AGBL1: variants seen among roughly 807,000 people sequenced by gnomAD.
The protein encoded by AGBL1 is AGBL carboxypeptidase 1.
AGBL1 carries 130 observed loss-of-function variants against 118.9 expected under a neutral mutation model. The observed-to-expected ratio is 1.09, with a 90% CI of 0.95 to 1.26. AGBL1 has a LOEUF of 1.26. AGBL1 is among the 50% of genes most tolerant of loss of function. The pLI is 0.00. For missense variants in AGBL1, 1,584 were observed against 1,298.1 expected (o/e 1.22, Z -3.38); for synonymous variants, 555 against 478.9 (o/e 1.16, Z -2.08).
At chr15:86,450,316 T>C (rs976324532) in intron 18 of AGBL1, among the ~76,000 whole-genome samples, 5 of 152,236 alleles carry the variant, frequency 3.3e-5, no homozygotes, top group Non-Finnish European at 5.9e-5. Flanking sequence ...ATCCCTACCC[T>C]GGACCTGGTG....
At chr15:86,365,039 A>G (rs1238624413) in intron 17 of AGBL1, among the ~76,000 whole-genome samples, 1 of 103,288 alleles carries the variant, frequency 9.7e-6, no homozygotes, top group Non-Finnish European at 2.1e-5. Flanking sequence ...ACACACATAT[A>G]TATACACACA....
At chr15:87,002,902 T>C (rs1199638843) in intron 24 of AGBL1, among the ~76,000 whole-genome samples, 1 of 152,236 alleles carries the variant, frequency 6.6e-6, no homozygotes, top group Admixed American at 6.5e-5. Context: ...GTTTTCTAGA[T>C]ATACAATCAT....
intron 21 of AGBL1, among the ~76,000 whole-genome samples, chr15:86,578,333 G>T (rs1213422674): frequency 6.6e-6 from 1 of 152,188 alleles, no homozygotes; most frequent in African/African-American, 2.4e-5. Context: ...CTCCCATTTA[G>T]AATGGCTATA....
intron 18 of AGBL1, among the ~76,000 whole-genome samples, chr15:86,439,906 G>A (rs1196184123): frequency 2.0e-5 from 3 of 152,124 alleles, no homozygotes; most frequent in African/African-American, 4.8e-5. Context: ...CAGAGCACAC[G>A]GCCCCAGTGA....
At position 86,773,640 on chromosome 15, in the gene AGBL1, G is replaced by A. The variant is rs564987424; in HGVS notation, c.3158+99204G>A. On this transcript the variant is annotated intron_variant, in intron 22 of 22. Transcript: ENST00000614907. ...TTGAACATGTACCCTAAAACTTAAA[G>A]TATAATAATAAAAAAAGAAAGTGGA... Among the ~76,000 whole-genome samples, 344 of 151,296 alleles carry A rather than the reference G, an allele frequency of 2.3e-3. 3 individuals carry two copies. The highest frequency in any genetic ancestry group is 7.7e-3 in the African/African-American group (316 of 41,276).
At chr15:86,487,971 TCTC>T (rs2082733193) in intron 18 of AGBL1, among the ~76,000 whole-genome samples, 1 of 152,048 alleles carries the variant, frequency 6.6e-6, no homozygotes, top group Admixed American at 6.6e-5. Flanking sequence ...TTTGCTTTCT[TCTC>T]AATGAGTGGG....
chr15:86,559,789 C>A (rs2083787626), intron 21 of AGBL1, among the ~76,000 whole-genome samples: 1 of 151,928 alleles, frequency 6.6e-6, no homozygotes, highest in African/African-American at 2.4e-5. Context: ...GATTTGAAGC[C>A]AGACAGATAT....
At chr15:86,797,856 T>A (rs1351960389) in intron 22 of AGBL1, among the ~76,000 whole-genome samples, 1 of 152,220 alleles carries the variant, frequency 6.6e-6, no homozygotes, top group South Asian at 2.1e-4. Flanking sequence ...AGAAGTTTGA[T>A]ATGAGGTAAA....
At chr15:86,536,976 G>A (rs1027899707) in intron 19 of AGBL1, among the ~76,000 whole-genome samples, 5 of 152,182 alleles carry the variant, frequency 3.3e-5, no homozygotes, top group Non-Finnish European at 5.9e-5. Context: ...AGCAATGATC[G>A]TGGCCAAGGG....
intron 17 of AGBL1, among the ~76,000 whole-genome samples, chr15:86,391,428 G>T (rs1237776837): frequency 1.3e-5 from 2 of 150,800 alleles, no homozygotes. Context: ...TTCCACTCCT[G>T]TTTCCTGTCT....
chr15:86,697,941 C>A (rs2086290212), intron 22 of AGBL1, among the ~76,000 whole-genome samples: 1 of 151,922 alleles, frequency 6.6e-6, no homozygotes. Context: ...GGCTGTCTCC[C>A]AGGTCCTGCA....
chr15:86,476,946 T>G (rs2082568559), intron 18 of AGBL1, among the ~76,000 whole-genome samples: 1 of 152,294 alleles, frequency 6.6e-6, no homozygotes, highest in East Asian at 1.9e-4. Context: ...ACTGCTCCAC[T>G]ACATGGAAAC....
intron 22 of AGBL1, among the ~76,000 whole-genome samples, chr15:86,714,585 GA>G (rs1029492831): frequency 2.0e-5 from 3 of 151,972 alleles, no homozygotes; most frequent in Admixed American, 6.6e-5. Flanking sequence ...CAAACGTCTA[GA>G]AAAAAAAGTT....
chr15:86,307,940 C>T (rs377691759), intron 17 of AGBL1, among the ~76,000 whole-genome samples: 8 of 152,214 alleles, frequency 5.3e-5, no homozygotes, highest in Admixed American at 3.9e-4. Context: ...CTCATACTAC[C>T]TCAGAGTAAC....
chr15:86,982,364 T>C (rs1408422318), intron 23 of AGBL1, among the ~76,000 whole-genome samples: 2 of 152,028 alleles, frequency 1.3e-5, no homozygotes, highest in Non-Finnish European at 2.9e-5. Flanking sequence ...ATAATGTTGA[T>C]GGACATTTAG....
chr15:86,580,243 T>C (rs2084154962), intron 21 of AGBL1, among the ~76,000 whole-genome samples: 1 of 152,212 alleles, frequency 6.6e-6, no homozygotes, highest in Non-Finnish European at 1.5e-5. Flanking sequence ...TATTCTTCTG[T>C]GCACTCCAAA....
intron 22 of AGBL1, among the ~76,000 whole-genome samples, chr15:86,897,512 A>G (rs1412373572): frequency 3.3e-5 from 5 of 151,880 alleles, no homozygotes; most frequent in Admixed American, 3.3e-4. Context: ...TTTCTTATAT[A>G]TTTGAATTGT....
intron 5 of AGBL1, among the ~76,000 whole-genome samples, chr15:86,217,316 G>A (rs965266701): frequency 2.6e-5 from 4 of 152,130 alleles, no homozygotes; most frequent in Non-Finnish European, 5.9e-5. Flanking sequence ...ATATAACTAA[G>A]GCTCTTAGAC....
intron 21 of AGBL1, among the ~76,000 whole-genome samples, chr15:86,664,615 C>T (rs947741921): frequency 6.6e-6 from 1 of 152,082 alleles, no homozygotes; most frequent in Non-Finnish European, 1.5e-5. Context: ...TTTACCTCCC[C>T]TGCCAAGTAG....
Sources: gnomAD v4.1 joint callset for allele counts (sites outside exome capture counted in the v4.1 genomes callset) on GRCh38, gnomAD v4.1.1 for gene constraint, MANE v1.5 for transcripts, NCBI Gene and HGNC (gene_info 2026-07-23, HGNC 2026-07-21) for gene names.